The following DDB1 variants were observed in gnomAD, a reference collection of about 807,000 sequenced individuals.
DDB1 encodes DNA damage-binding protein 1.
A neutral mutation model predicts 133.1 loss-of-function variants in DDB1; 18 were observed. The ratio of observed to expected loss-of-function variants is 0.14; its 90% CI spans 0.09 to 0.20. DDB1 has a LOEUF of 0.20. Ranked by LOEUF, DDB1 falls within the 10% of genes least tolerant of loss-of-function variation. DDB1 has a pLI of 1.00. For synonymous variants in DDB1, 580 were observed against 550.5 expected (o/e 1.05, Z -0.75); for missense variants, 828 against 1,459.2 (o/e 0.57, Z 7.05).
chr11:61,302,486 A>T, intron 24 of DDB1, 96 bp downstream of exon 24: 1 of 1,584,148 alleles, frequency 6.3e-7, no homozygotes, highest in South Asian at 1.1e-5. Context: ...TCTAGTAAAC[A>T]CCTAGGTCTT....
At chr11:61,306,496 C>T (rs950038393) in intron 21 of DDB1, among the ~76,000 whole-genome samples, 9 of 152,190 alleles carry the variant, frequency 5.9e-5, no homozygotes, top group African/African-American at 2.4e-5. Context: ...TCCCACACAA[C>T]CTCCTATAAG....
In DDB1 at chr11:61,311,993, G is replaced by C. The variant is rs768204727; in HGVS notation, c.2161C>G (p.Pro721Ala). 2 of 1,614,168 alleles carry C rather than the reference G, an allele frequency of 1.2e-6. No individual in the cohort carries two copies. The change falls in exon 17 of 27, where the codon CCA becomes GCA. Residue 721 changes from proline to alanine, a missense_variant. Coordinates refer to ENST00000301764, the MANE Select transcript of DDB1 (RefSeq NM_001923.5). ...CTCTCCCACCCTGGGCCTCACCTTG[G>C]AGACTCATAGAGGGGAACTGTGCGA... is the stretch of plus-strand genomic sequence containing the variant. ...HIRTVPLYES[P>A]RKICYQEVSQ...
chr11:61,326,657 C>A, intron 5 of DDB1, 122 bp downstream of exon 5: 1 of 804,346 alleles, frequency 1.2e-6, no homozygotes, highest in Non-Finnish European at 2.2e-6. Context: ...GAGTGGTAAA[C>A]AATGCACACC....
chr11:61,312,405 A>G lies in DDB1; in HGVS notation c.2070-321T>C, dbSNP rs568932377. 7.1e-4 allele frequency among the ~76,000 whole-genome samples: 108 copies of G among 152,246 alleles called. 1 individual carries two copies. The Middle Eastern group carries it at 0.024, about 34-fold the overall frequency. ...GTCAGAGTTGGCTGGAGGGCTTGTCAAAACAGTCTGCTGGGCCCCCTCCCA... is the reference window on the plus strand; with the variant it reads ...GTCAGAGTTGGCTGGAGGGCTTGTCGAAACAGTCTGCTGGGCCCCCTCCCA... On this transcript the variant is annotated intron_variant, in intron 16 of 26. Coordinates refer to ENST00000301764, the MANE Select transcript of DDB1 (RefSeq NM_001923.5).
chr11:61,332,927 G>A lies in DDB1; in HGVS notation c.42C>T (p.Ala14=). 1.3e-6 allele frequency: 2 copies of A among 1,510,106 alleles called. No individual in the cohort carries two copies. The highest frequency in any genetic ancestry group is 1.8e-6 in the Non-Finnish European group (2 of 1,123,038). 93.5% of individuals were successfully genotyped at this position (1,510,106 alleles called of 1,614,324 possible). The part of the protein sequence containing the change: ...NYVVTAQKPT[A]VNGCVTGHFT... Reference sequence around the variant, plus strand: ...CCTCACCGGTCACGCAGCCGTTCACGGCGGTGGGCTTCTGGGCCGTTACCA... The same window carrying A: ...CCTCACCGGTCACGCAGCCGTTCACAGCGGTGGGCTTCTGGGCCGTTACCA... The change falls in exon 1 of 27, where the codon GCC becomes GCT. Residue 14 remains alanine, a synonymous_variant. Transcript: ENST00000301764.
intron 5 of DDB1, among the ~76,000 whole-genome samples, chr11:61,326,509 CA>C (rs1258215837): frequency 6.6e-6 from 1 of 151,964 alleles, no homozygotes; most frequent in Non-Finnish European, 1.5e-5. Flanking sequence ...TGCCACTGTG[CA>C]AATCAATCTC....
At chr11:61,307,470 AC>A (rs1413501738) in intron 21 of DDB1, among the ~76,000 whole-genome samples, 1 of 152,032 alleles carries the variant, frequency 6.6e-6, no homozygotes. Flanking sequence ...CTTCCAGAAC[AC>A]TATTCTCTCG....
At chr11:61,310,186 C>A in intron 19 of DDB1, 109 bp downstream of exon 19, 2 of 1,481,900 alleles carry the variant, frequency 1.3e-6, no homozygotes, top group East Asian at 2.3e-5. Context: ...CCTTTCTGCT[C>A]CTCCTAGGAC....
intron 1 of DDB1, 50 bp downstream of exon 1, chr11:61,332,858 C>T: frequency 1.4e-6 from 2 of 1,392,226 alleles, no homozygotes; most frequent in Non-Finnish European, 9.4e-7. Flanking sequence ...TAGGCCGCGG[C>T]TCCCCCCAAC....
At position 61,322,047 on chromosome 11, in the gene DDB1, T is replaced by A. The variant is rs191346455; in HGVS notation, c.1122+249A>T. On this transcript the variant is annotated intron_variant, in intron 9 of 26. Coordinates refer to ENST00000301764, the MANE Select transcript of DDB1 (RefSeq NM_001923.5). ...TACTTAATCTTTCTCAGCCCTAATT[T>A]TCCTCACTTCTGAGATGGCCAAATA... 18 of 547,062 alleles carry A rather than the reference T, an allele frequency of 3.3e-5. No homozygotes were observed. The East Asian group carries it at 5.2e-4, about 16-fold the overall frequency. The allele number at this position is 547,062 out of a possible 1,614,324, so 33.9% of individuals were successfully genotyped here.
intron 12 of DDB1, 64 bp downstream of exon 12, chr11:61,316,221 G>A (rs776297397): frequency 7.1e-7 from 1 of 1,409,942 alleles, no homozygotes; most frequent in Non-Finnish European, 1.0e-6. Flanking sequence ...ATCCAGTGGT[G>A]CTCTGTACTG....
chr11:61,333,061 G>A lies in DDB1; in HGVS notation c.-93C>T, dbSNP rs1301980251. 2 of 1,201,712 alleles carry A rather than the reference G, an allele frequency of 1.7e-6. No homozygotes were observed. The highest frequency in any genetic ancestry group is 2.2e-6 in the Non-Finnish European group (2 of 889,976). The allele number at this position is 1,201,712 out of a possible 1,614,324, so 74.4% of individuals were successfully genotyped here. ...CAGGTGGCCCCCAACAGCGCGCAGC[G>A]AACTCCACTGCCGCTGCCTCCGCCC... is the stretch of plus-strand genomic sequence containing the variant. On this transcript the variant is annotated 5_prime_UTR_variant, in exon 1 of 27. Transcript: ENST00000301764.
rs929669689 is a variant in DDB1, at chr11:61,299,852, C to G, written c.*284G>C. 1 of 498,532 alleles carries G rather than the reference C, an allele frequency of 2.0e-6. No homozygotes were observed. Among genetic ancestry groups the G allele is most frequent in the Non-Finnish European group, 3.7e-6 (1 of 272,032 alleles). The allele number at this position is 498,532 out of a possible 1,614,324, so 30.9% of individuals were successfully genotyped here. A position where few individuals can be genotyped will look rare whatever the true frequency, so the allele number is the denominator to read the frequency against. Reference sequence around the variant, plus strand: ...GCCAAAGAACTGCAAAATCCTTCCCCGGAAGGAGGACAACTGGCAACACCA... The same window carrying G: ...GCCAAAGAACTGCAAAATCCTTCCCGGGAAGGAGGACAACTGGCAACACCA... On this transcript the variant is annotated 3_prime_UTR_variant, in exon 27 of 27. Coordinates refer to ENST00000301764, the MANE Select transcript of DDB1 (RefSeq NM_001923.5).
intron 10 of DDB1, among the ~76,000 whole-genome samples, chr11:61,320,303 T>G (rs1031507207): frequency 6.6e-6 from 1 of 151,910 alleles, no homozygotes; most frequent in Non-Finnish European, 1.5e-5. Context: ...CAGGTTCAAG[T>G]GCCTCTCCCG....
chr11:61,317,003 A>C (rs980078666), intron 10 of DDB1, among the ~76,000 whole-genome samples: 2 of 112,370 alleles, frequency 1.8e-5, no homozygotes, highest in Non-Finnish European at 3.9e-5. Context: ...ATATATAGAC[A>C]TGGCAGCCTG....
chr11:61,323,874 G>T, intron 7 of DDB1, 105 bp downstream of exon 7: 1 of 1,263,644 alleles, frequency 7.9e-7, no homozygotes, highest in Non-Finnish European at 1.1e-6. Flanking sequence ...TTTGTTGTTA[G>T]GTGTTAAGTA....
At chr11:61,328,788 T>C (rs1231747444) in intron 4 of DDB1, among the ~76,000 whole-genome samples, 1 of 152,078 alleles carries the variant, frequency 6.6e-6, no homozygotes, top group African/African-American at 2.4e-5. Context: ...GGAGAATCGC[T>C]TGAACCAGGA....
chr11:61,316,976 T>TAC (rs1856092374), intron 10 of DDB1, among the ~76,000 whole-genome samples: 2 of 56,616 alleles, frequency 3.5e-5, no homozygotes, highest in Non-Finnish European at 7.6e-5. Context: ...TATATATATA[T>TAC]ATATATATAT....
At chr11:61,309,188 T>C in intron 20 of DDB1, 111 bp from the exon 21 acceptor site, 1 of 975,698 alleles carries the variant, frequency 1.0e-6, no homozygotes, top group Non-Finnish European at 1.6e-6. Flanking sequence ...AAACCACTCA[T>C]CTAAAAAAAC....
Sources: gnomAD v4.1 joint callset for allele counts (sites outside exome capture counted in the v4.1 genomes callset) on GRCh38, gnomAD v4.1.1 for gene constraint, MANE v1.5 for transcripts, NCBI Gene and HGNC (gene_info 2026-07-23, HGNC 2026-07-21) for gene names.